Variants in RBFOX1 observed in about 807,000 individuals in gnomAD.
RBFOX1 encodes RNA binding fox-1 homolog 1.
In RBFOX1, 8 loss-of-function variants were observed where a neutral mutation model predicts 57.7. The observed-to-expected ratio is 0.14, with a 90% CI of 0.08 to 0.25. RBFOX1 has a LOEUF of 0.25. RBFOX1 is among the 10% of genes least tolerant of loss of function. The probability of loss-of-function intolerance (pLI) is 1.00; values close to 1 mark genes in which losing one functional copy is unlikely to be tolerated. For missense variants in RBFOX1, 611 were observed against 548.5 expected, an observed-to-expected ratio of 1.11 and a Z score of -1.14; for synonymous variants, 326 against 222.4, an observed-to-expected ratio of 1.47 and a Z score of -4.15.
intron 2 of RBFOX1, among the ~76,000 whole-genome samples, chr16:5,548,017 C>T (rs149847609): frequency 0.012 from 1,881 of 151,346 alleles, 22 homozygotes; most frequent in Non-Finnish European, 0.018. Context: ...AAAAATTAAC[C>T]GGGCGTGGTG....
intron 3 of RBFOX1, among the ~76,000 whole-genome samples, chr16:5,665,612 C>T (rs1435397275): frequency 6.6e-6 from 1 of 152,194 alleles, no homozygotes; most frequent in Non-Finnish European, 1.5e-5. Context: ...GAACCAGCGC[C>T]TGGTTCAGTG....
At chr16:6,391,528 A>G (rs1420214239) in intron 2 of RBFOX1, among the ~76,000 whole-genome samples, 3 of 152,036 alleles carry the variant, frequency 2.0e-5, no homozygotes, top group Admixed American at 1.3e-4. Context: ...AAAAAAAGAA[A>G]AAAAAGTATC....
In RBFOX1 at chr16:7,069,421, C is replaced by G. The variant is rs141231211; in HGVS notation, c.27+17323C>G. Among the ~76,000 whole-genome samples, 211 of 152,264 alleles carry G rather than the reference C, an allele frequency of 1.4e-3. 2 individuals are homozygous for G. Among genetic ancestry groups the G allele is most frequent in the Middle Eastern group, 0.01 (3 of 294 alleles). ...GTTTCTGTGTGTTCGTTGTTCAGCT[C>G]CTACTTACAAGTGAGAGCATGCGGT... On this transcript the variant is annotated intron_variant, in intron 4 of 15. Coordinates refer to ENST00000550418, the MANE Select transcript of RBFOX1 (RefSeq NM_018723.4).
intron 4 of RBFOX1, among the ~76,000 whole-genome samples, chr16:7,312,577 G>A (rs2096341158): frequency 6.6e-6 from 1 of 152,118 alleles, no homozygotes; most frequent in African/African-American, 2.4e-5. Context: ...CCACTACCCT[G>A]TTTGGGAGCT....
chr16:6,209,260 C>G (rs1037214983), intron 1 of RBFOX1, among the ~76,000 whole-genome samples: 1 of 152,130 alleles, frequency 6.6e-6, no homozygotes. Flanking sequence ...AGAGGGGCCA[C>G]GTTTTGTGGA....
rs965332354 is a variant in RBFOX1, at chr16:6,044,233, C to G, written c.-127+24241C>G. Among the ~76,000 whole-genome samples, 82 of 152,178 alleles carry G rather than the reference C, an allele frequency of 5.4e-4. 1 individual carries two copies. The highest frequency in any genetic ancestry group is 1.2e-3 in the Non-Finnish European group (80 of 68,008). ...ATCTTTCAAAGCGTGGGACTTAACC[C>G]CTTGCCAGAGATGTTGATGTGAACC... On this transcript the variant is annotated intron_variant, in intron 1 of 15. Coordinates refer to ENST00000550418, the MANE Select transcript of RBFOX1 (RefSeq NM_018723.4).
At chr16:7,049,481 A>ATG (rs1173634198) in intron 3 of RBFOX1, among the ~76,000 whole-genome samples, 1 of 152,110 alleles carries the variant, frequency 6.6e-6, no homozygotes, top group African/African-American at 2.4e-5. Flanking sequence ...AAAAAGAACA[A>ATG]TGGGGATTTT....
chr16:6,897,800 T>C (rs923033239), intron 3 of RBFOX1, among the ~76,000 whole-genome samples: 8 of 151,868 alleles, frequency 5.3e-5, no homozygotes, highest in Admixed American at 2.6e-4. Context: ...TCTCAAAAAA[T>C]AAAAAAAGGC....
chr16:5,986,046 AT>A (rs2060279449), intron 4 of RBFOX1, among the ~76,000 whole-genome samples: 2 of 141,908 alleles, frequency 1.4e-5, no homozygotes, highest in Non-Finnish European at 3.0e-5. Context: ...TTTTCTATTG[AT>A]TTTTTTCTTT....
At chr16:6,388,730 A>G (rs1159216128) in intron 2 of RBFOX1, among the ~76,000 whole-genome samples, 1 of 152,134 alleles carries the variant, frequency 6.6e-6, no homozygotes, top group Non-Finnish European at 1.5e-5. Flanking sequence ...ACAGAGCGAG[A>G]TGCTGTTTCA....
At chr16:5,263,195 A>G (rs1353930078) in intron 1 of RBFOX1, among the ~76,000 whole-genome samples, 1 of 152,194 alleles carries the variant, frequency 6.6e-6, no homozygotes, top group African/African-American at 2.4e-5. Context: ...ATGGGAATCA[A>G]CTGCATGGAG....
intron 5 of RBFOX1, among the ~76,000 whole-genome samples, chr16:7,530,599 T>C (rs905790179): frequency 1.1e-4 from 16 of 152,178 alleles, no homozygotes; most frequent in African/African-American, 3.9e-4. Context: ...ATGTCATGCG[T>C]TCCTGCCAGC....
intron 4 of RBFOX1, among the ~76,000 whole-genome samples, chr16:7,135,746 A>G (rs1409498581): frequency 6.6e-6 from 1 of 152,252 alleles, no homozygotes; most frequent in Non-Finnish European, 1.5e-5. Flanking sequence ...TCCTCCTAAT[A>G]TGACATGATT....
chr16:6,241,994 C>T (rs1334075067), intron 1 of RBFOX1, among the ~76,000 whole-genome samples: 3 of 152,122 alleles, frequency 2.0e-5, no homozygotes, highest in Admixed American at 6.5e-5. Flanking sequence ...CAGAAAAGAA[C>T]ATTCATATTT....
At chr16:6,484,596 T>A (rs1027781725) in intron 2 of RBFOX1, among the ~76,000 whole-genome samples, 3 of 152,180 alleles carry the variant, frequency 2.0e-5, no homozygotes, top group Non-Finnish European at 4.4e-5. Flanking sequence ...TCCATCAGTC[T>A]ACAATGATCA....
At chr16:5,266,183 G>A (rs2062852689) in intron 1 of RBFOX1, among the ~76,000 whole-genome samples, 1 of 152,160 alleles carries the variant, frequency 6.6e-6, no homozygotes, top group African/African-American at 2.4e-5. Context: ...GTATGTCAGG[G>A]TTTCAGCTGT....
chr16:7,136,091 T>C (rs949561458), intron 4 of RBFOX1, among the ~76,000 whole-genome samples: 3 of 152,190 alleles, frequency 2.0e-5, no homozygotes, highest in African/African-American at 7.2e-5. Context: ...CTAAACACCT[T>C]GCAGGCAAGA....
chr16:6,334,659 C>G (rs1207255994), intron 2 of RBFOX1, among the ~76,000 whole-genome samples: 1 of 152,062 alleles, frequency 6.6e-6, no homozygotes, highest in Admixed American at 6.6e-5. Flanking sequence ...TGAAATAAGA[C>G]AGAGGACAGG....
At chr16:6,927,414 C>CAAAAAAAAAAAAAA (rs1194663760) in intron 3 of RBFOX1, among the ~76,000 whole-genome samples, 5 of 53,144 alleles carry the variant, frequency 9.4e-5, no homozygotes, top group African/African-American at 4.3e-4. Flanking sequence ...CGCTTTCTCA[C>CAAAAAAAAAAAAAA]AAAAAAAAAA....
Sources: gnomAD v4.1 joint callset for allele counts (sites outside exome capture counted in the v4.1 genomes callset) on GRCh38, gnomAD v4.1.1 for gene constraint, MANE v1.5 for transcripts, NCBI Gene and HGNC (gene_info 2026-07-23, HGNC 2026-07-21) for gene names.